The following DCC variants were observed in gnomAD, a reference collection of about 807,000 sequenced individuals.
DCC encodes netrin receptor DCC.
In DCC, 58 loss-of-function variants were observed where a neutral mutation model predicts 172.5. That is an observed-to-expected ratio of 0.34 (90% CI 0.27 to 0.42). The LOEUF (loss-of-function observed/expected upper bound fraction) is 0.42. DCC is among the 10% of genes least tolerant of loss of function. The probability of loss-of-function intolerance (pLI) is 1.00; values close to 1 mark genes in which losing one functional copy is unlikely to be tolerated. For missense variants in DCC, 1,740 were observed against 1,791.0 expected (o/e 0.97, Z 0.51); for synonymous variants, 709 against 644.5 (o/e 1.10, Z -1.52).
At chr18:52,687,876 A>G (rs2035867661) in intron 1 of DCC, among the ~76,000 whole-genome samples, 2 of 152,218 alleles carry the variant, frequency 1.3e-5, no homozygotes, top group African/African-American at 2.4e-5. Context: ...GCACTCAAAG[A>G]AAGATGGGAA....
At chr18:53,017,225 G>A (rs765463285) in intron 5 of DCC, among the ~76,000 whole-genome samples, 1 of 151,932 alleles carries the variant, frequency 6.6e-6, no homozygotes, top group Non-Finnish European at 1.5e-5. Context: ...ACAGGCGCCC[G>A]CCAAAGTTGG....
chr18:52,736,317 G>A (rs2036728571), intron 1 of DCC, among the ~76,000 whole-genome samples: 1 of 150,342 alleles, frequency 6.7e-6, no homozygotes, highest in Admixed American at 6.6e-5. Context: ...CCCAGTGTTT[G>A]TAAGCTACAA....
At chr18:52,761,908 C>CAAAAAA (rs1222086354) in intron 2 of DCC, among the ~76,000 whole-genome samples, 1 of 48,408 alleles carries the variant, frequency 2.1e-5, no homozygotes, top group African/African-American at 6.0e-5. Flanking sequence ...GACTCTGTCT[C>CAAAAAA]AAAAAAAAAA....
intron 1 of DCC, among the ~76,000 whole-genome samples, chr18:52,736,167 CAGTTAA>C (rs2036724283): frequency 6.6e-6 from 1 of 151,832 alleles, no homozygotes; most frequent in Non-Finnish European, 1.5e-5. Context: ...TTGGTCAGGA[CAGTTAA>C]CCTCTCTGGG....
At chr18:53,349,225 C>A (rs1034081558) in intron 15 of DCC, among the ~76,000 whole-genome samples, 1 of 152,156 alleles carries the variant, frequency 6.6e-6, no homozygotes, top group Non-Finnish European at 1.5e-5. Context: ...AGGGCAGGGG[C>A]AGATGCCACC....
At chr18:53,236,303 A>C (rs2056202310) in intron 12 of DCC, among the ~76,000 whole-genome samples, 1 of 152,120 alleles carries the variant, frequency 6.6e-6, no homozygotes, top group Non-Finnish European at 1.5e-5. Flanking sequence ...TTGTGGCTTT[A>C]ATTTGTATTT....
At chr18:53,010,881 GT>G (rs1465325272) in intron 5 of DCC, among the ~76,000 whole-genome samples, 1 of 151,026 alleles carries the variant, frequency 6.6e-6, no homozygotes, top group African/African-American at 2.4e-5. Flanking sequence ...TATGGTTCAT[GT>G]TTAGTTTTTA....
At chr18:52,788,205 A>G (rs1437922841) in intron 2 of DCC, among the ~76,000 whole-genome samples, 1 of 152,180 alleles carries the variant, frequency 6.6e-6, no homozygotes, top group Non-Finnish European at 1.5e-5. Context: ...CCTGGGCAAA[A>G]TTTACATTTC....
chr18:53,322,135 G>A lies in DCC; in HGVS notation c.2142G>A (p.Glu714=), dbSNP rs1188933431. Residue 714 remains glutamate (E), a synonymous_variant, in exon 14 of 29, where the codon GAG becomes GAA. Coordinates refer to ENST00000442544, the MANE Select transcript of DCC (RefSeq NM_005215.4). ...TGPPSNWYTA[E]TPENDLDESQ... is the part of the protein sequence containing the mutation. Reference sequence around the variant, plus strand: ...CACCTTCCAACTGGTATACTGCAGAGACTCCAGAGAATGATCTAGATGGTA... The same window carrying A: ...CACCTTCCAACTGGTATACTGCAGAAACTCCAGAGAATGATCTAGATGGTA... 2 of 1,567,714 alleles carry A rather than the reference G, an allele frequency of 1.3e-6. No homozygotes were observed. Among genetic ancestry groups the A allele is most frequent in the Admixed American group, 1.7e-5 (1 of 59,968 alleles).
At chr18:52,411,984 C>T (rs1986859930) in intron 1 of DCC, among the ~76,000 whole-genome samples, 1 of 152,122 alleles carries the variant, frequency 6.6e-6, no homozygotes, top group African/African-American at 2.4e-5. Flanking sequence ...GCCACCCCCA[C>T]TTATTAAAAT....
chr18:52,630,858 G>C (rs78432396), intron 1 of DCC, among the ~76,000 whole-genome samples: 2,082 of 152,290 alleles, frequency 0.014, 22 homozygotes, highest in Middle Eastern at 0.024. Context: ...ACTTTAAAAA[G>C]CTGTTGTTTA....
At chr18:52,495,862 C>G (rs1438464410) in intron 1 of DCC, among the ~76,000 whole-genome samples, 1 of 151,228 alleles carries the variant, frequency 6.6e-6, no homozygotes, top group Non-Finnish European at 1.5e-5. Flanking sequence ...TCAGGGAATT[C>G]TAACCCTGGC....
intron 13 of DCC, among the ~76,000 whole-genome samples, chr18:53,310,386 A>T (rs1437364024): frequency 6.6e-6 from 1 of 152,108 alleles, no homozygotes; most frequent in Non-Finnish European, 1.5e-5. Flanking sequence ...GAAATTTCAG[A>T]ATGCTCCATT....
At chr18:52,922,395 C>T (rs2040140214) in intron 3 of DCC, among the ~76,000 whole-genome samples, 1 of 152,068 alleles carries the variant, frequency 6.6e-6, no homozygotes, top group Non-Finnish European at 1.5e-5. Flanking sequence ...CAAATATGTC[C>T]TATGTCCCCT....
chr18:53,124,622 G>T (rs564393209), intron 7 of DCC, among the ~76,000 whole-genome samples: 17 of 152,146 alleles, frequency 1.1e-4, no homozygotes, highest in Admixed American at 1.3e-4. Flanking sequence ...CTGTAAGACT[G>T]GGAGGGGAGC....
intron 1 of DCC, among the ~76,000 whole-genome samples, chr18:52,697,917 G>T (rs1847266808): frequency 6.6e-6 from 1 of 152,026 alleles, no homozygotes; most frequent in Non-Finnish European, 1.5e-5. Context: ...TCATTAAAGG[G>T]TATCATCTGC....
rs151331685 is a variant in DCC at position 52,801,925 on chromosome 18, T to C, written c.412+49551T>C. Reference sequence around the variant, plus strand: ...CAAAAAATCAGTGACCCTTTAGACATGCAGAAGTTAAGCCAGATGTGTCTA... The same window carrying C: ...CAAAAAATCAGTGACCCTTTAGACACGCAGAAGTTAAGCCAGATGTGTCTA... On this transcript the variant is annotated intron_variant, in intron 2 of 28. Transcript: ENST00000442544. 6.0e-3 allele frequency among the ~76,000 whole-genome samples: 913 copies of C among 152,274 alleles called. 6 individuals carry two copies. Among genetic ancestry groups the C allele is most frequent in the Non-Finnish European group, 8.5e-3 (578 of 68,014 alleles).
intron 27 of DCC, among the ~76,000 whole-genome samples, chr18:53,523,529 C>A (rs1324979509): frequency 6.6e-6 from 1 of 152,106 alleles, no homozygotes; most frequent in Admixed American, 6.5e-5. Flanking sequence ...CAGTGACAGA[C>A]TGGATAAAGA....
rs537690448 is a variant in DCC at position 53,108,169 on chromosome 18, A to T, written c.1261+42003A>T. ...CTTATATGGAAGAATGCACGTAAAGACATACACAGAAAAACACACACACAC... is the reference window on the plus strand; with the variant it reads ...CTTATATGGAAGAATGCACGTAAAGTCATACACAGAAAAACACACACACAC... On this transcript the variant is annotated intron_variant, in intron 7 of 28. Coordinates refer to ENST00000442544, the MANE Select transcript of DCC (RefSeq NM_005215.4). Among the ~76,000 whole-genome samples, 207 of 37,790 alleles carry T rather than the reference A, an allele frequency of 5.5e-3. 1 individual carries two copies. The highest frequency in any genetic ancestry group is 0.023 in the South Asian group (15 of 644). The allele number at this position is 37,790 out of a possible 152,430, so 24.8% of individuals were successfully genotyped here.
Sources: allele counts gnomAD v4.1 joint callset (sites outside exome capture counted in the v4.1 genomes callset), GRCh38; gene constraint gnomAD v4.1.1; transcripts MANE v1.5; gene names NCBI Gene and HGNC (gene_info 2026-07-23, HGNC 2026-07-21).